PTPRD: variants seen among roughly 807,000 people sequenced by gnomAD.
PTPRD encodes the protein protein tyrosine phosphatase receptor type D, also known as receptor-type tyrosine-protein phosphatase delta.
PTPRD carries 34 observed loss-of-function variants against 214.5 expected under a neutral mutation model. That is an observed-to-expected ratio of 0.16 (90% CI 0.12 to 0.21). The LOEUF (loss-of-function observed/expected upper bound fraction) is 0.21. Ranked by LOEUF, PTPRD falls within the 10% of genes least tolerant of loss-of-function variation. The pLI, the probability that PTPRD is intolerant of heterozygous loss-of-function variation, is 1.00. For missense variants in PTPRD, 2,545 were observed against 2,398.7 expected (o/e 1.06, Z -1.27); for synonymous variants, 1,128 against 845.7 (o/e 1.33, Z -5.79).
chr9:9,339,678 C>G (rs1434624523), intron 9 of PTPRD, among the ~76,000 whole-genome samples: 1 of 152,104 alleles, frequency 6.6e-6, no homozygotes, highest in African/African-American at 2.4e-5. Context: ...CCAAGAAACA[C>G]TTAGAATAGC....
At chr9:10,407,057 C>G (rs2098374126) in intron 2 of PTPRD, among the ~76,000 whole-genome samples, 1 of 151,316 alleles carries the variant, frequency 6.6e-6, no homozygotes, top group South Asian at 2.1e-4. Context: ...ACTTACAAAC[C>G]CATCAAATAA....
At chr9:9,054,006 A>AT (rs987884745) in intron 10 of PTPRD, among the ~76,000 whole-genome samples, 1 of 152,142 alleles carries the variant, frequency 6.6e-6, no homozygotes, top group African/African-American at 2.4e-5. Flanking sequence ...AAAGGAGACA[A>AT]TTTTTTCCCT....
intron 7 of PTPRD, among the ~76,000 whole-genome samples, chr9:9,583,676 C>T (rs1333967645): frequency 6.6e-6 from 1 of 151,972 alleles, no homozygotes; most frequent in Non-Finnish European, 1.5e-5. Flanking sequence ...ATCTGTAAGT[C>T]CATGTGAAAG....
chr9:10,594,214 G>C (rs566179136), intron 2 of PTPRD, among the ~76,000 whole-genome samples: 52 of 151,904 alleles, frequency 3.4e-4, no homozygotes, highest in African/African-American at 1.3e-3. Context: ...TTCTAGTTTT[G>C]AGAAAACATT....
At chr9:9,926,260 C>G (rs1001130365) in intron 5 of PTPRD, among the ~76,000 whole-genome samples, 1 of 152,070 alleles carries the variant, frequency 6.6e-6, no homozygotes, top group Admixed American at 6.6e-5. Flanking sequence ...TTGAGAATAA[C>G]TGTATGGTAG....
Position 10,519,661 on chromosome 9 carries a change from T to A in PTPRD, c.-600+92737A>T, listed in dbSNP as rs760593433. Among the ~76,000 whole-genome samples the A allele has an allele frequency of 3.9e-5, 6 of 152,302 alleles. 1 individual carries two copies. In the Middle Eastern group the frequency reaches 0.01, roughly 259 times the overall value. On this transcript the variant is annotated intron_variant, in intron 2 of 45. Coordinates refer to ENST00000381196, the MANE Select transcript of PTPRD (RefSeq NM_002839.4). ...TGAGCAAGTCCATCAGTGCCAATTT[T>A]GCAATAGCATGTGCTCAACTCATCC...
chr9:9,718,830 G>C (rs2154431010), intron 7 of PTPRD, among the ~76,000 whole-genome samples: 1 of 152,330 alleles, frequency 6.6e-6, no homozygotes, highest in East Asian at 1.9e-4. Flanking sequence ...GGGAGGCTGG[G>C]TGTCTGAGAT....
At chr9:8,675,002 T>G (rs530164050) in intron 12 of PTPRD, among the ~76,000 whole-genome samples, 1 of 152,156 alleles carries the variant, frequency 6.6e-6, no homozygotes, top group Admixed American at 6.5e-5. Context: ...AACCAGGGTA[T>G]ATTTTTTTTT....
At chr9:8,425,050 G>GA (rs1160209327) in intron 35 of PTPRD, among the ~76,000 whole-genome samples, 1 of 152,106 alleles carries the variant, frequency 6.6e-6, no homozygotes, top group Non-Finnish European at 1.5e-5. Flanking sequence ...CCCAACATTT[G>GA]TTTTTTCAAA....
chr9:10,220,371 G>A (rs1399764813), intron 3 of PTPRD, among the ~76,000 whole-genome samples: 1 of 151,848 alleles, frequency 6.6e-6, no homozygotes, highest in Non-Finnish European at 1.5e-5. Context: ...CATAGATTCA[G>A]AAACTGAGAA....
intron 2 of PTPRD, among the ~76,000 whole-genome samples, chr9:10,602,702 A>G (rs574462611): frequency 1.4e-4 from 22 of 152,012 alleles, no homozygotes; most frequent in Admixed American, 1.2e-3. Flanking sequence ...TTCACCACAA[A>G]TAATTGTAAT....
At chr9:9,303,299 C>G (rs965556545) in intron 9 of PTPRD, among the ~76,000 whole-genome samples, 3 of 151,894 alleles carry the variant, frequency 2.0e-5, no homozygotes, top group African/African-American at 7.3e-5. Flanking sequence ...TCCCAAAATA[C>G]ACAATTGGTT....
intron 4 of PTPRD, among the ~76,000 whole-genome samples, chr9:9,947,414 T>TTATA (rs560527848): frequency 2.5e-5 from 1 of 39,838 alleles, no homozygotes; most frequent in African/African-American, 1.5e-4. Context: ...AATATATATT[T>TTATA]TATATATATA....
chr9:9,047,643 G>A (rs2099675497), intron 10 of PTPRD, among the ~76,000 whole-genome samples: 1 of 152,034 alleles, frequency 6.6e-6, no homozygotes, highest in South Asian at 2.1e-4. Context: ...AACATATACT[G>A]GGGAAAAGAC....
intron 2 of PTPRD, among the ~76,000 whole-genome samples, chr9:10,398,219 T>A (rs2098208264): frequency 6.6e-6 from 1 of 151,574 alleles, no homozygotes; most frequent in African/African-American, 2.4e-5. Flanking sequence ...TCATTACAAA[T>A]ATTTAAAAAT....
intron 8 of PTPRD, among the ~76,000 whole-genome samples, chr9:9,568,859 A>G (rs2085434512): frequency 1.3e-5 from 2 of 151,838 alleles, no homozygotes; most frequent in Admixed American, 1.3e-4. Context: ...GCTCTCCAGG[A>G]CTATAAATTT....
chr9:10,305,352 G>A (rs375932637), intron 3 of PTPRD, among the ~76,000 whole-genome samples: 3 of 116,966 alleles, frequency 2.6e-5, no homozygotes, highest in Admixed American at 1.1e-4. Context: ...CATGGGCAAA[G>A]ACTTCATGAC....
chr9:9,818,691 G>C (rs1025899396), intron 5 of PTPRD, among the ~76,000 whole-genome samples: 7 of 152,008 alleles, frequency 4.6e-5, no homozygotes, highest in Non-Finnish European at 1.0e-4. Flanking sequence ...GCCGAGATGG[G>C]TGGACCACGA....
chr9:10,172,700 A>G (rs560687800), intron 3 of PTPRD, among the ~76,000 whole-genome samples: 16 of 152,334 alleles, frequency 1.1e-4, no homozygotes, highest in African/African-American at 3.8e-4. Flanking sequence ...GAACGTTTCC[A>G]AGAAAGTTTA....
Sources: gnomAD v4.1 joint callset for allele counts (sites outside exome capture counted in the v4.1 genomes callset) on GRCh38, gnomAD v4.1.1 for gene constraint, MANE v1.5 for transcripts, NCBI Gene and HGNC (gene_info 2026-07-23, HGNC 2026-07-21) for gene names.